MRE11: variants seen among roughly 807,000 people sequenced by gnomAD.
The protein encoded by MRE11 is double-strand break repair protein MRE11.
MRE11 carries 62 observed loss-of-function variants against 91.7 expected under a neutral mutation model. That is an observed-to-expected ratio of 0.68 (90% confidence interval 0.55 to 0.84). The LOEUF is 0.84. Among genes scored for constraint, MRE11 ranks in the 40% least tolerant of loss-of-function variants. MRE11 has a pLI of 0.00. For missense variants in MRE11, 796 were observed against 852.9 expected (o/e 0.93, Z 0.83); for synonymous variants, 273 against 271.4 (o/e 1.01, Z -0.06).
At chr11:94,453,874 G>A (rs543192873) in intron 14 of MRE11, among the ~76,000 whole-genome samples, 225 of 152,090 alleles carry the variant, frequency 1.5e-3, no homozygotes, top group African/African-American at 5.0e-3. Context: ...GTAAACTAAC[G>A]ACTGTGGGTA....
At position 94,467,609 on chromosome 11, in the gene MRE11, G is replaced by C. The variant is rs35101429; in HGVS notation, c.1098+204C>G. 0.046 allele frequency among the ~76,000 whole-genome samples: 6,988 copies of C among 152,140 alleles called. 389 individuals are homozygous for C. The highest frequency in any genetic ancestry group is 0.13 in the African/African-American group (5,506 of 41,460). On this transcript the variant is annotated intron_variant, in intron 10 of 19. Coordinates refer to ENST00000323929, the MANE Select transcript of MRE11 (RefSeq NM_005591.4). ...ATTAAATATAACAACAAATTATTTAGAAAATGAGAAAAATAAGTTACCAAA... is the reference window on the plus strand; with the variant it reads ...ATTAAATATAACAACAAATTATTTACAAAATGAGAAAAATAAGTTACCAAA...
chr11:94,498,828 A>G (rs1947454539), upstream of MRE11: 1 of 337,524 alleles, frequency 3.0e-6, no homozygotes, highest in Non-Finnish European at 5.4e-6. Flanking sequence ...TGGTGCTGAT[A>G]CAAGAGAAAT....
intron 18 of MRE11, 111 bp from the exon 19 acceptor site, chr11:94,430,097 C>T: frequency 9.9e-7 from 1 of 1,009,722 alleles, no homozygotes; most frequent in Non-Finnish European, 1.5e-6. Flanking sequence ...AAATAACACA[C>T]AATTCCCTTA....
intron 19 of MRE11, among the ~76,000 whole-genome samples, chr11:94,421,008 G>A (rs531159277): frequency 9.9e-5 from 15 of 151,586 alleles, no homozygotes; most frequent in Non-Finnish European, 1.3e-4. Context: ...CTCCAGCCTC[G>A]GCGACAGAGC....
intron 19 of MRE11, among the ~76,000 whole-genome samples, chr11:94,426,830 A>G (rs986098111): frequency 6.6e-6 from 1 of 152,164 alleles, no homozygotes; most frequent in African/African-American, 2.4e-5. Context: ...CTCTAAACAC[A>G]CAACCTCCCA....
chr11:94,444,575 T>TA (rs1565210642), intron 16 of MRE11, among the ~76,000 whole-genome samples: 1 of 152,162 alleles, frequency 6.6e-6, no homozygotes, highest in Non-Finnish European at 1.5e-5. Context: ...CAAGACTCAT[T>TA]AAATGCTGTT....
chr11:94,447,572 T>A, intron 14 of MRE11, 134 bp from the exon 15 acceptor site: 2 of 893,670 alleles, frequency 2.2e-6, no homozygotes, highest in Non-Finnish European at 1.7e-6. Context: ...CTCACGCCTG[T>A]AATCTCAGCA....
chr11:94,451,613 A>AG (rs1024825378), intron 14 of MRE11, among the ~76,000 whole-genome samples: 2 of 152,132 alleles, frequency 1.3e-5, no homozygotes, highest in Admixed American at 1.3e-4. Flanking sequence ...ATCCATTACC[A>AG]GGGGGTAATG....
chr11:94,467,683 G>C (rs1946600361), intron 10 of MRE11, 130 bp downstream of exon 10: 2 of 735,880 alleles, frequency 2.7e-6, no homozygotes, highest in Non-Finnish European at 4.7e-6. Flanking sequence ...CTTTGTTTTT[G>C]CCTCCGATGG....
intron 18 of MRE11, among the ~76,000 whole-genome samples, chr11:94,431,709 T>G (rs1945466758): frequency 6.6e-6 from 1 of 152,218 alleles, no homozygotes; most frequent in Non-Finnish European, 1.5e-5. Flanking sequence ...GTTATAACTA[T>G]AATCTATCTC....
At chr11:94,420,335 G>A (rs1945137430) in intron 19 of MRE11, among the ~76,000 whole-genome samples, 154 bp from the exon 20 acceptor site, 1 of 152,140 alleles carries the variant, frequency 6.6e-6, no homozygotes, top group South Asian at 2.1e-4. Context: ...AATATATTAA[G>A]TACAATTAAA....
the MRE11 span, among the ~76,000 whole-genome samples, chr11:94,508,335 C>G: frequency 6.6e-6 from 1 of 152,126 alleles, no homozygotes; most frequent in Admixed American, 6.5e-5. Context: ...AAGTAGTTGT[C>G]TACTCCAAAG....
the MRE11 span, among the ~76,000 whole-genome samples, chr11:94,506,651 C>G: frequency 6.7e-6 from 1 of 148,990 alleles, no homozygotes; most frequent in African/African-American, 2.5e-5. Context: ...TGCAGTGGTG[C>G]GATCATGACT....
At chr11:94,447,579 A>T (rs1344836957) in intron 14 of MRE11, 141 bp from the exon 15 acceptor site, 1 of 863,936 alleles carries the variant, frequency 1.2e-6, no homozygotes, top group East Asian at 2.7e-5. Flanking sequence ...CTGTAATCTC[A>T]GCACTTTGGG....
intron 18 of MRE11, among the ~76,000 whole-genome samples, chr11:94,430,759 C>T (rs940601792): frequency 1.9e-4 from 29 of 152,254 alleles, no homozygotes; most frequent in African/African-American, 5.8e-4. Context: ...TGAGCCACCA[C>T]GCCCAGCCGA....
Position 94,490,795 on chromosome 11 carries a change from A to C in MRE11, c.153+38T>G, listed in dbSNP as rs747341964. 4 of 1,610,194 alleles carry C rather than the reference A, an allele frequency of 2.5e-6. No homozygotes were observed. In the East Asian group the frequency reaches 6.7e-5, roughly 27 times the overall value. ...GGAAAAATAACTTGTTAACCAAGGGAATATGGTAGATAGTGCACAAATACA... is the reference window on the plus strand; with the variant it reads ...GGAAAAATAACTTGTTAACCAAGGGCATATGGTAGATAGTGCACAAATACA... On this transcript the variant is annotated intron_variant, in intron 3 of 19. Coordinates refer to ENST00000323929, the MANE Select transcript of MRE11 (RefSeq NM_005591.4).
the MRE11 span, among the ~76,000 whole-genome samples, chr11:94,509,484 C>A: frequency 2.6e-5 from 4 of 152,036 alleles, no homozygotes; most frequent in Non-Finnish European, 1.5e-5. Flanking sequence ...TGCTCTGTTG[C>A]CAGGCTGGAG....
rs876660047 is a variant in MRE11, at chr11:94,464,129, T to C, written c.1209A>G (p.Glu403=). 2 of 1,613,726 alleles carry C rather than the reference T, an allele frequency of 1.2e-6. No individual in the cohort carries two copies. Among genetic ancestry groups the C allele is most frequent in the South Asian group, 2.2e-5 (2 of 91,064 alleles). ...CTAGCTTACCTGTTTTTTCCTTTTGTTCTCTATGCCTGAAAAAATGGATAA... is the reference window on the plus strand; with the variant it reads ...CTAGCTTACCTGTTTTTTCCTTTTGCTCTCTATGCCTGAAAAAATGGATAA... The part of the protein sequence containing the change: ...KDIIHFFRHR[E]QKEKTGEEIN... The change falls in exon 11 of 20, where the codon GAA becomes GAG. Residue 403 remains glutamate, a synonymous_variant. Transcript: ENST00000323929.
At chr11:94,467,688 C>A in intron 10 of MRE11, 125 bp downstream of exon 10, 1 of 790,578 alleles carries the variant, frequency 1.3e-6, no homozygotes, top group Non-Finnish European at 2.1e-6. Flanking sequence ...TTTTTGCCTC[C>A]GATGGTGATT....
Sources: gnomAD v4.1 joint callset for allele counts (sites outside exome capture counted in the v4.1 genomes callset) on GRCh38, gnomAD v4.1.1 for gene constraint, MANE v1.5 for transcripts, NCBI Gene and HGNC (gene_info 2026-07-23, HGNC 2026-07-21) for gene names.